Variants in PHF21A observed in about 807,000 individuals in gnomAD.
PHF21A encodes the protein PHD finger protein 21A.
Under a neutral mutation model 82.5 loss-of-function variants are expected in PHF21A, and 11 were observed. The observed-to-expected ratio is 0.13, with a 90% confidence interval of 0.08 to 0.22. The LOEUF is 0.22. Among genes scored for constraint, PHF21A ranks in the 10% least tolerant of loss-of-function variants. PHF21A has a pLI of 1.00. For missense variants in PHF21A, 579 were observed against 837.8 expected, an observed-to-expected ratio of 0.69 and a Z score of 3.81; for synonymous variants, 297 against 302.8, an observed-to-expected ratio of 0.98 and a Z score of 0.20.
intron 6 of PHF21A, among the ~76,000 whole-genome samples, chr11:46,051,935 C>T (rs1207295865): frequency 6.6e-6 from 1 of 152,170 alleles, no homozygotes; most frequent in African/African-American, 2.4e-5. Context: ...TTCTATCAAG[C>T]CTTCTTTCCC....
rs2093732104 is a variant in PHF21A, at chr11:45,971,363, GTCT to G, written c.362_364del (p.Lys121del). 6.2e-7 allele frequency: 1 copy of G among 1,613,540 alleles called. No individual in the cohort carries two copies. The highest frequency in any genetic ancestry group is 1.7e-5 in the Admixed American group (1 of 59,978). ...GGTAATCATAGAAGCTGTAGTTACA[GTCT>G]TCTAGGAGACAGGGAAAACAGATAT... On this transcript the variant is annotated inframe_deletion and splice_region_variant, in exon 8 of 19. Coordinates refer to ENST00000676320, the MANE Select transcript of PHF21A (RefSeq NM_001352027.3).
At chr11:46,029,248 A>G (rs1488890552) in intron 6 of PHF21A, among the ~76,000 whole-genome samples, 1 of 152,250 alleles carries the variant, frequency 6.6e-6, no homozygotes, top group Non-Finnish European at 1.5e-5. Flanking sequence ...TGACTTTCAC[A>G]AAGTCTAACA....
chr11:46,110,298 C>T (rs975171317), intron 1 of PHF21A, among the ~76,000 whole-genome samples: 5 of 152,122 alleles, frequency 3.3e-5, no homozygotes, highest in African/African-American at 1.2e-4. Context: ...TGTACAGCTA[C>T]GTGACAGGAG....
chr11:46,105,338 G>T (rs2097141515), intron 1 of PHF21A, among the ~76,000 whole-genome samples: 1 of 152,182 alleles, frequency 6.6e-6, no homozygotes, highest in Admixed American at 6.5e-5. Flanking sequence ...AACTAGTAGT[G>T]CTTTCCAAGC....
chr11:46,010,789 CCTGA>C (rs1265379194), intron 6 of PHF21A, among the ~76,000 whole-genome samples: 1 of 152,100 alleles, frequency 6.6e-6, no homozygotes, highest in Non-Finnish European at 1.5e-5. Context: ...TGTGTCTCTC[CCTGA>C]CTAACTCTAC....
chr11:45,969,537 T>C (rs1200446909), intron 9 of PHF21A, among the ~76,000 whole-genome samples: 1 of 152,252 alleles, frequency 6.6e-6, no homozygotes, highest in Non-Finnish European at 1.5e-5. Flanking sequence ...TTGGCTAAAT[T>C]CTTCTAGTAA....
intron 8 of PHF21A, 198 bp downstream of exon 8, chr11:45,970,918 G>T (rs1164163078): frequency 1.1e-5 from 7 of 612,014 alleles, no homozygotes; most frequent in Non-Finnish European, 1.9e-5. Context: ...TTAGTCCTTG[G>T]TGTCAGGACG....
At chr11:46,013,859 C>A (rs747169788) in intron 6 of PHF21A, among the ~76,000 whole-genome samples, 5 of 152,016 alleles carry the variant, frequency 3.3e-5, no homozygotes, top group Admixed American at 6.5e-5. Flanking sequence ...AACGGTAAAC[C>A]AGCTTGCAGG....
intron 6 of PHF21A, among the ~76,000 whole-genome samples, chr11:46,075,419 C>CG (rs1251172513): frequency 6.6e-6 from 1 of 152,200 alleles, no homozygotes; most frequent in Non-Finnish European, 1.5e-5. Context: ...GTCAAACTAA[C>CG]CCTGAAACTA....
At chr11:46,023,325 T>A (rs2137944473) in intron 6 of PHF21A, among the ~76,000 whole-genome samples, 1 of 152,292 alleles carries the variant, frequency 6.6e-6, no homozygotes, top group South Asian at 2.1e-4. Context: ...GAACATTTTG[T>A]GAGTCTGTCT....
chr11:45,950,511 T>G (rs1178623499), intron 11 of PHF21A, among the ~76,000 whole-genome samples: 2 of 150,286 alleles, frequency 1.3e-5, no homozygotes, highest in African/African-American at 4.9e-5. Context: ...CTAACACTAA[T>G]GATAGCTGAT....
chr11:45,943,962 A>C (rs1238587466), intron 15 of PHF21A, among the ~76,000 whole-genome samples: 5 of 152,234 alleles, frequency 3.3e-5, no homozygotes, highest in African/African-American at 1.2e-4. Context: ...AGAACTGGCT[A>C]TCTTTTTAAA....
intron 6 of PHF21A, among the ~76,000 whole-genome samples, chr11:46,011,708 T>C (rs758711545): frequency 2.5e-4 from 38 of 152,324 alleles, no homozygotes; most frequent in Admixed American, 3.3e-4. Context: ...AAGCAATGTA[T>C]TTAGCTAACA....
At chr11:46,056,625 T>A (rs2096461339) in intron 6 of PHF21A, among the ~76,000 whole-genome samples, 1 of 152,160 alleles carries the variant, frequency 6.6e-6, no homozygotes, top group African/African-American at 2.4e-5. Context: ...AATGTCATTT[T>A]TATTACCCAT....
intron 15 of PHF21A, among the ~76,000 whole-genome samples, chr11:45,941,735 T>C (rs1430986903): frequency 6.6e-6 from 1 of 152,194 alleles, no homozygotes; most frequent in East Asian, 1.9e-4. Flanking sequence ...AAATTATTAC[T>C]ATAAACCAGA....
Position 45,971,119 on chromosome 11 carries a change from A to G in PHF21A, c.609T>C (p.Thr203=), listed in dbSNP as rs2093716375. 6.2e-7 allele frequency: 1 copy of G among 1,614,058 alleles called. No homozygotes were observed. The highest frequency in any genetic ancestry group is 1.3e-5 in the African/African-American group (1 of 75,050). ...TGAGGAGCAGCTGCTGGCTTACCAG[A>G]GTGACTGTGTTTTTTGCCACAATTT... The part of the protein sequence containing the change: ...AVQIVAKNTV[T]LQVQATPPQP... Residue 203 remains threonine, a synonymous_variant, in exon 8 of 19, where the codon ACT becomes ACC. Transcript: ENST00000676320.
chr11:46,076,691 C>A, intron 6 of PHF21A, 63 bp downstream of exon 6: 2 of 1,318,566 alleles, frequency 1.5e-6, no homozygotes, highest in South Asian at 1.3e-5. Flanking sequence ...TCTTAGAAGC[C>A]TCGAGCAGAC....
At chr11:45,949,704 G>C (rs1471883988) in intron 12 of PHF21A, among the ~76,000 whole-genome samples, 1 of 152,192 alleles carries the variant, frequency 6.6e-6, no homozygotes, top group South Asian at 2.1e-4. Context: ...GTTCTCTGTT[G>C]AGAGTTTAAC....
chr11:46,048,247 A>G (rs2096286016), intron 6 of PHF21A, among the ~76,000 whole-genome samples: 1 of 152,190 alleles, frequency 6.6e-6, no homozygotes, highest in Non-Finnish European at 1.5e-5. Context: ...TATAAACAGA[A>G]TCATACAGTA....
Sources: gnomAD v4.1 joint callset for allele counts (sites outside exome capture counted in the v4.1 genomes callset) on GRCh38, gnomAD v4.1.1 for gene constraint, MANE v1.5 for transcripts, NCBI Gene and HGNC (gene_info 2026-07-23, HGNC 2026-07-21) for gene names.